Variants in PDZD2 observed in about 807,000 individuals in gnomAD.
PDZD2 encodes PDZ domain-containing protein 2.
PDZD2 carries 90 observed loss-of-function variants against 220.7 expected under a neutral mutation model. The observed-to-expected ratio is 0.41, with a 90% confidence interval of 0.34 to 0.49. The LOEUF (loss-of-function observed/expected upper bound fraction) is 0.49, where lower values mean the gene tolerates loss of function less well. PDZD2 is among the 20% of genes least tolerant of loss of function. PDZD2 has a pLI of 0.28. For missense variants in PDZD2, 3,174 were observed against 3,608.5 expected, an observed-to-expected ratio of 0.88 and a Z score of 3.08; for synonymous variants, 1,375 against 1,450.5, an observed-to-expected ratio of 0.95 and a Z score of 1.18.
chr5:31,827,204 A>C (rs900663711), intron 2 of PDZD2, among the ~76,000 whole-genome samples: 1 of 152,194 alleles, frequency 6.6e-6, no homozygotes, highest in Non-Finnish European at 1.5e-5. Context: ...TATTCATTTA[A>C]GGATATTTAC....
chr5:32,068,908 A>AT (rs1474335670), intron 14 of PDZD2, among the ~76,000 whole-genome samples: 1 of 152,042 alleles, frequency 6.6e-6, no homozygotes, highest in Non-Finnish European at 1.5e-5. Flanking sequence ...AAAATTAGTG[A>AT]TTCTAGGTGA....
At chr5:31,903,810 G>C (rs1742368067) in intron 2 of PDZD2, among the ~76,000 whole-genome samples, 2 of 152,142 alleles carry the variant, frequency 1.3e-5, no homozygotes, top group Non-Finnish European at 2.9e-5. Flanking sequence ...TGCAACCTCT[G>C]CCTCCTGGGT....
Position 32,087,787 on chromosome 5 carries a change from G to A in PDZD2, c.4339G>A (p.Gly1447Arg), listed in dbSNP as rs765499896. 6.2e-7 allele frequency: 1 copy of A among 1,613,798 alleles called. No individual in the cohort carries two copies. The highest frequency in any genetic ancestry group is 1.1e-5 in the South Asian group (1 of 91,068). ...AGCAAGGTCTCCGTCTTCCCAGACG[G>A]GGGACAGTGGCTCTCAGGAGGGCAG... The part of the protein sequence containing the change: ...SAARSPSSQT[G>R]DSGSQEGSAQ... The change falls in exon 20 of 25, where the codon GGG (glycine) becomes AGG (arginine). Residue 1447 changes from glycine (G) to arginine (R), a missense_variant. Gly to Arg is a moderately radical substitution (Grantham distance 125). Transcript: ENST00000438447. The surrounding 1 kb of genome is among the most constrained non-coding windows in gnomAD (Gnocchi z 4.0).
chr5:32,086,133 G>A (rs965214704), intron 19 of PDZD2, among the ~76,000 whole-genome samples: 4 of 152,104 alleles, frequency 2.6e-5, no homozygotes, highest in African/African-American at 9.7e-5. Flanking sequence ...CTGTATCCCA[G>A]CTTTCGTATT....
In PDZD2 at chr5:32,040,493, G is replaced by A. The variant is rs559253612; in HGVS notation, c.1519+3151G>A. Among the ~76,000 whole-genome samples the A allele has an allele frequency of 1.1e-4, 17 of 150,224 alleles. No homozygotes were observed. The South Asian group carries it at 3.4e-3, about 30-fold the overall frequency. On this transcript the variant is annotated intron_variant, in intron 7 of 24. Coordinates refer to ENST00000438447, the MANE Select transcript of PDZD2 (RefSeq NM_178140.4). ...TGCCCTGCCGCCCCATCTGGGAAAT[G>A]GGGAGCGCCTCTGCCCGGCTGCCCC... is the stretch of plus-strand genomic sequence containing the variant.
chr5:32,048,292 C>T (rs549042813), intron 7 of PDZD2, among the ~76,000 whole-genome samples: 80 of 152,298 alleles, frequency 5.3e-4, no homozygotes, highest in Non-Finnish European at 9.3e-4. Context: ...CATTGCCCCT[C>T]ATCTAATCTG....
At chr5:32,066,925 G>A (rs369327281) in intron 14 of PDZD2, among the ~76,000 whole-genome samples, 21 of 152,262 alleles carry the variant, frequency 1.4e-4, no homozygotes, top group Non-Finnish European at 2.8e-4. Context: ...AGCTATGTCC[G>A]GCATTTGGTT....
intron 2 of PDZD2, among the ~76,000 whole-genome samples, chr5:31,905,143 TA>T (rs970834328): frequency 6.6e-6 from 1 of 151,956 alleles, no homozygotes; most frequent in Admixed American, 6.6e-5. Context: ...TAATTTTTTG[TA>T]TTTTTTTTTC....
intron 6 of PDZD2, among the ~76,000 whole-genome samples, chr5:32,036,778 G>T (rs77562690): frequency 0.047 from 7,177 of 152,302 alleles, 256 homozygotes; most frequent in Non-Finnish European, 0.074. Context: ...AACTGGGTTT[G>T]AATTTCTGGT....
intron 1 of PDZD2, among the ~76,000 whole-genome samples, chr5:31,741,196 C>T (rs1238076345): frequency 1.1e-5 from 1 of 90,382 alleles, no homozygotes; most frequent in African/African-American, 4.6e-5. Flanking sequence ...AGTGTGTACA[C>T]ACACACACAC....
At chr5:31,863,364 G>A (rs1399493440) in intron 2 of PDZD2, among the ~76,000 whole-genome samples, 2 of 152,240 alleles carry the variant, frequency 1.3e-5, no homozygotes, top group East Asian at 1.9e-4. Flanking sequence ...TTCCTGTTAA[G>A]CATTAGTTGG....
chr5:31,828,853 C>A (rs1005371642), intron 2 of PDZD2, among the ~76,000 whole-genome samples: 1 of 152,188 alleles, frequency 6.6e-6, no homozygotes, highest in Non-Finnish European at 1.5e-5. Context: ...TGTAAGAATT[C>A]TTTATATAGC....
intron 2 of PDZD2, among the ~76,000 whole-genome samples, chr5:31,975,628 T>C (rs566530761): frequency 1.3e-5 from 2 of 152,220 alleles, no homozygotes; most frequent in Non-Finnish European, 2.9e-5. Context: ...AGCGAGCAGT[T>C]GGAGTGCACT....
At chr5:31,998,581 C>T (rs185742949) in intron 4 of PDZD2, among the ~76,000 whole-genome samples, 5 of 152,276 alleles carry the variant, frequency 3.3e-5, no homozygotes, top group African/African-American at 9.6e-5. Context: ...GTGTCGGAGG[C>T]GTGCATGTGT....
intron 19 of PDZD2, among the ~76,000 whole-genome samples, chr5:32,082,961 G>C (rs1742110108): frequency 6.6e-6 from 1 of 152,112 alleles, no homozygotes. Flanking sequence ...AAGCAGTGTG[G>C]GGAATCCAGG....
chr5:32,017,887 G>A (rs1753894464), intron 6 of PDZD2, among the ~76,000 whole-genome samples: 1 of 152,124 alleles, frequency 6.6e-6, no homozygotes, highest in South Asian at 2.1e-4. Context: ...TGTGGGTTGT[G>A]GTAAACAACC....
chr5:31,758,938 ACT>A lies in PDZD2; in HGVS notation c.-360-39950_-360-39949del, dbSNP rs369201527. Reference sequence around the variant, plus strand: ...GCCTCCACATGCGTTCCCTGGCTACACTGTGTTCCTGGTCCTGCTTGGCTGTG... The same window carrying A: ...GCCTCCACATGCGTTCCCTGGCTACAGTGTTCCTGGTCCTGCTTGGCTGTG... On this transcript the variant is annotated intron_variant, in intron 1 of 24. Transcript: ENST00000438447. Among the ~76,000 whole-genome samples, 505 of 152,160 alleles carry A rather than the reference ACT, an allele frequency of 3.3e-3. 1 individual carries two copies. The highest frequency in any genetic ancestry group is 0.011 in the African/African-American group (461 of 41,498).
intron 2 of PDZD2, among the ~76,000 whole-genome samples, chr5:31,865,792 C>T (rs902968216): frequency 1.1e-4 from 17 of 151,044 alleles, no homozygotes; most frequent in Non-Finnish European, 2.1e-4. Flanking sequence ...CCACCACGCC[C>T]GGCTAATTTT....
rs11960283 is a variant in PDZD2, at chr5:32,001,541, C to T, written c.1254+1270C>T. Among the ~76,000 whole-genome samples the T allele has an allele frequency of 9.1e-3, 1,381 of 152,288 alleles. 22 individuals are homozygous for T. The highest frequency in any genetic ancestry group is 0.032 in the African/African-American group (1,324 of 41,538). On this transcript the variant is annotated intron_variant, in intron 5 of 24. Transcript: ENST00000438447. ...CTAACGCCCAGCCCAGTGTCTGTCC[C>T]CTGTCTCCCTGCCGCCTCTTCTCCA...
Sources: gnomAD v4.1 joint callset for allele counts (sites outside exome capture counted in the v4.1 genomes callset) on GRCh38, gnomAD v4.1.1 for gene constraint, Gnocchi (gnomAD v3.1) non-coding constraint, MANE v1.5 for transcripts, NCBI Gene and HGNC (gene_info 2026-07-23, HGNC 2026-07-21) for gene names.